Variants in TERT observed in about 807,000 individuals in gnomAD.
The protein encoded by TERT is telomerase reverse transcriptase.
TERT carries 42 observed loss-of-function variants against 104.0 expected under a neutral mutation model. That is an observed-to-expected ratio of 0.40 (90% CI 0.32 to 0.52). The LOEUF (loss-of-function observed/expected upper bound fraction) is 0.52, where lower values mean the gene tolerates loss of function less well. Ranked by LOEUF, TERT falls within the 20% of genes least tolerant of loss-of-function variation. The pLI is 0.43. For missense variants in TERT, 1,101 were observed against 1,610.3 expected, an observed-to-expected ratio of 0.68 and a Z score of 5.41; for synonymous variants, 781 against 725.6, an observed-to-expected ratio of 1.08 and a Z score of -1.23.
At chr5:1,259,483 C>T (rs1200291260) in intron 12 of TERT, among the ~76,000 whole-genome samples, 6 of 116,240 alleles carry the variant, frequency 5.2e-5, no homozygotes, top group African/African-American at 6.9e-5. Flanking sequence ...GGAGTGGACG[C>T]GGACGCCCAC....
At position 1,262,413 on chromosome 5, in the gene TERT, G is replaced by T. The variant is rs1303469725; in HGVS notation, c.2844-1813C>A. On this transcript the variant is annotated intron_variant, in intron 11 of 15. Coordinates refer to ENST00000310581, the MANE Select transcript of TERT (RefSeq NM_198253.3). This position sits in a 1 kb window ranked among gnomAD's most constrained non-coding sequence, Gnocchi z 5.6. ...GCTGTGGTTTGGGAGACTAAAATCT[G>T]GACAAGAAAATTCCCATCTTACCAC... Among the ~76,000 whole-genome samples, 1 of 152,178 alleles carries T rather than the reference G, an allele frequency of 6.6e-6. No individual in the cohort carries two copies. The highest frequency in any genetic ancestry group is 6.5e-5 in the Admixed American group (1 of 15,284).
In TERT at chr5:1,271,104, G is replaced by A. The variant is rs1748998056; in HGVS notation, c.2468+15C>T. On this transcript the variant is annotated intron_variant, in intron 8 of 15. Coordinates refer to ENST00000310581, the MANE Select transcript of TERT (RefSeq NM_198253.3). ...AGCCACCCGCAGGGCAATGGCACCT[G>A]GCCACCTGACTCACTTGCCCCTGAT... 1.2e-6 allele frequency: 2 copies of A among 1,610,544 alleles called. No homozygotes were observed. Among genetic ancestry groups the A allele is most frequent in the Non-Finnish European group, 8.5e-7 (1 of 1,178,286 alleles).
chr5:1,279,381 C>G lies in TERT; in HGVS notation c.2040G>C (p.Val680=), dbSNP rs748610058. 1 of 1,562,158 alleles carries G rather than the reference C, an allele frequency of 6.4e-7. No homozygotes were observed. The highest frequency in any genetic ancestry group is 8.7e-7 in the Non-Finnish European group (1 of 1,155,250). ...ARRPGLLGAS[V]LGLDDIHRAW... ...CCCTGTGGATATCGTCCAGGCCCAG[C>G]ACAGAGGCGCCCAGGAGGCCGGGGC... Residue 680 remains valine (V), a synonymous_variant, in exon 5 of 16, where the codon GTG becomes GTC. Coordinates refer to ENST00000310581, the MANE Select transcript of TERT (RefSeq NM_198253.3).
At chr5:1,279,196 A>G in intron 5 of TERT, 95 bp downstream of exon 5, 1 of 1,408,304 alleles carries the variant, frequency 7.1e-7, no homozygotes, top group Non-Finnish European at 9.7e-7. Flanking sequence ...CCTGCGGCCC[A>G]CCCAGGAGTA....
chr5:1,256,315 G>A lies in TERT; in HGVS notation c.3033-904C>T, dbSNP rs979412076. ...AGGTGTGAGCCACCGCGCCAGCCCT[G>A]TCAGCCTCCATCTTTGGCCTCTCAG... On this transcript the variant is annotated intron_variant, in intron 13 of 15. Transcript: ENST00000310581. This position sits in a 1 kb window ranked among gnomAD's most constrained non-coding sequence, Gnocchi z 7.0. Among the ~76,000 whole-genome samples the A allele has an allele frequency of 1.3e-5, 2 of 152,084 alleles. No homozygotes were observed. Among genetic ancestry groups the A allele is most frequent in the African/African-American group, 4.8e-5 (2 of 41,398 alleles).
Position 1,286,012 on chromosome 5 carries a change from C to T in TERT, c.1574-3388G>A, listed in dbSNP as rs2126662076. Among the ~76,000 whole-genome samples the T allele has an allele frequency of 6.6e-6, 1 of 152,230 alleles. No individual in the cohort carries two copies. The highest frequency in any genetic ancestry group is 2.4e-5 in the African/African-American group (1 of 41,538). On this transcript the variant is annotated intron_variant, in intron 2 of 15. Transcript: ENST00000310581. The surrounding 1 kb of genome is among the most constrained non-coding windows in gnomAD (Gnocchi z 5.3). ...CAGGCAGCACCGTCAGAGCTGGCGC[C>T]ACACCGCAGGTTTGCGCGATTTCAA...
At chr5:1,289,874 C>G (rs1750767346) in intron 2 of TERT, among the ~76,000 whole-genome samples, 1 of 80,224 alleles carries the variant, frequency 1.2e-5, no homozygotes, top group African/African-American at 6.1e-5. Flanking sequence ...ACAGGGACAC[C>G]CGGGGGCCGC....
At chr5:1,254,346 A>G (rs2126559245) in intron 15 of TERT, 22 bp downstream of exon 15, 2 of 1,612,682 alleles carry the variant, frequency 1.2e-6, no homozygotes, top group Admixed American at 3.3e-5. Context: ...TGGGGCCCGC[A>G]CTGGCCTCCA....
In TERT at chr5:1,254,411, T is replaced by C. The variant is rs757638312; in HGVS notation, c.3252A>G (p.Arg1084=). Residue 1084 remains arginine (R), a synonymous_variant, in exon 15 of 16, where the codon CGA becomes CGG. Transcript: ENST00000310581. ...CHQAFLLKLT[R]HRVTYVPLLG... The stretch of plus-strand genomic sequence containing the variant: ...GGAGTGGCACGTAGGTGACACGGTG[T>C]CGAGTCAGCTTGAGCAGGAATGCTT... 49 of 1,613,034 alleles carry C rather than the reference T, an allele frequency of 3.0e-5. No homozygotes were observed. Among genetic ancestry groups the C allele is most frequent in the Non-Finnish European group, 4.1e-5 (48 of 1,179,942 alleles).
rs1416354540 is a variant in TERT, at chr5:1,255,573, T to G, written c.3033-162A>C. On this transcript the variant is annotated intron_variant, in intron 13 of 15. Transcript: ENST00000310581. This position sits in a 1 kb window ranked among gnomAD's most constrained non-coding sequence, Gnocchi z 6.9. ...ACACACGGATGCATGCATGCATGTC[T>G]GTGTGTGTGCTTGTGTGTGCGAGTA... is the stretch of plus-strand genomic sequence containing the variant. Among the ~76,000 whole-genome samples the G allele has an allele frequency of 6.6e-6, 1 of 152,174 alleles. No homozygotes were observed. Among genetic ancestry groups the G allele is most frequent in the Non-Finnish European group, 1.5e-5 (1 of 67,990 alleles).
intron 2 of TERT, among the ~76,000 whole-genome samples, chr5:1,289,269 A>T (rs1439456263): frequency 7.9e-6 from 1 of 127,368 alleles, no homozygotes; most frequent in Non-Finnish European, 1.6e-5. Flanking sequence ...CACTCACCCT[A>T]CACCTGAGAG....
At position 1,253,585 on chromosome 5, in the gene TERT, G is replaced by T. The variant is rs147703938; in HGVS notation, c.*143C>A. 2.3e-5 allele frequency: 16 copies of T among 710,672 alleles called. No individual in the cohort carries two copies. The highest frequency in any genetic ancestry group is 1.6e-4 in the East Asian group (6 of 37,042). 44.0% of individuals were successfully genotyped at this position (710,672 alleles called of 1,614,324 possible). ...ACTCAGCCTTCAGCCGGACATGCAG[G>T]CCTCGGCCAAACACTCACTCAGGCC... On this transcript the variant is annotated 3_prime_UTR_variant, in exon 16 of 16. Transcript: ENST00000310581.
At position 1,274,350 on chromosome 5, in the gene TERT, G is replaced by A. The variant is rs1044498145; in HGVS notation, c.2287-2070C>T. 3.9e-5 allele frequency among the ~76,000 whole-genome samples: 6 copies of A among 152,200 alleles called. No homozygotes were observed. The highest frequency in any genetic ancestry group is 8.8e-5 in the Non-Finnish European group (6 of 68,040). ...TCGGCGGAAAGCATCACAGAAATCC[G>A]TAATTATTCTGGACTCAACACAGAA... On this transcript the variant is annotated intron_variant, in intron 6 of 15. Coordinates refer to ENST00000310581, the MANE Select transcript of TERT (RefSeq NM_198253.3). This position sits in a 1 kb window ranked among gnomAD's most constrained non-coding sequence, Gnocchi z 5.3.
rs77075144 is a variant in TERT, at chr5:1,275,086, G to A, written c.2287-2806C>T. On this transcript the variant is annotated intron_variant, in intron 6 of 15. Transcript: ENST00000310581. ...AGATCTCACGGAAGCTGCAGGAAGC[G>A]AGTCTCGGCCGGGCGCGGCGGTTCA... Among the ~76,000 whole-genome samples the A allele has an allele frequency of 4.3e-3, 659 of 152,324 alleles. 4 individuals are homozygous for A. Among genetic ancestry groups the A allele is most frequent in the Non-Finnish European group, 6.9e-3 (470 of 68,022 alleles).
In TERT at chr5:1,288,094, C is replaced by T. The variant is rs1750604300; in HGVS notation, c.1573+5219G>A. On this transcript the variant is annotated intron_variant, in intron 2 of 15. Coordinates refer to ENST00000310581, the MANE Select transcript of TERT (RefSeq NM_198253.3). This position sits in a 1 kb window ranked among gnomAD's most constrained non-coding sequence, Gnocchi z 5.3. The stretch of plus-strand genomic sequence containing the variant: ...CTGCTCAAAGAAATCACAGAATAAG[C>T]TAAAGAATACTTAAAAGTCACTGAT... Among the ~76,000 whole-genome samples the T allele has an allele frequency of 6.6e-6, 1 of 152,000 alleles. No homozygotes were observed. The highest frequency in any genetic ancestry group is 2.4e-5 in the African/African-American group (1 of 41,380).
chr5:1,278,917 C>A (rs985947570), intron 5 of TERT, 121 bp from the exon 6 acceptor site: 57 of 1,385,138 alleles, frequency 4.1e-5, no homozygotes, highest in African/African-American at 1.3e-4. Context: ...CCACTCCAGA[C>A]CCCAAGGGCA....
In TERT at chr5:1,268,114, G is replaced by A. The variant is rs1382940391; in HGVS notation, c.2582+406C>T. 1.3e-5 allele frequency among the ~76,000 whole-genome samples: 2 copies of A among 152,240 alleles called. No individual in the cohort carries two copies. Among genetic ancestry groups the A allele is most frequent in the South Asian group, 2.1e-4 (1 of 4,834 alleles). The stretch of plus-strand genomic sequence containing the variant: ...GGGATGGGCAATGGGCTGAAGAGGC[G>A]CCCAGTCCAGGCCACCTGTCGAGGG... On this transcript the variant is annotated intron_variant, in intron 9 of 15. Coordinates refer to ENST00000310581, the MANE Select transcript of TERT (RefSeq NM_198253.3). This position sits in a 1 kb window ranked among gnomAD's most constrained non-coding sequence, Gnocchi z 5.5.
rs1458043396 is a variant in TERT at position 1,257,957 on chromosome 5, T to C, written c.3032+641A>G. ...CCCTTTGGTACAGCCCCGAGGCTTG[T>C]GCCACCACCTGCCCTGACTCCAGGC... On this transcript the variant is annotated intron_variant, in intron 13 of 15. Transcript: ENST00000310581. The surrounding 1 kb of genome is among the most constrained non-coding windows in gnomAD (Gnocchi z 5.6). Among the ~76,000 whole-genome samples, 3 of 152,204 alleles carry C rather than the reference T, an allele frequency of 2.0e-5. No individual in the cohort carries two copies. The highest frequency in any genetic ancestry group is 4.4e-5 in the Non-Finnish European group (3 of 68,028).
intron 7 of TERT, among the ~76,000 whole-genome samples, 184 bp downstream of exon 7, chr5:1,272,001 C>T (rs539699059): frequency 3.3e-5 from 5 of 152,376 alleles, no homozygotes; most frequent in East Asian, 3.9e-4. Flanking sequence ...CAGCAGCTGT[C>T]GCAGCCTGGC....
Sources: allele counts gnomAD v4.1 joint callset (sites outside exome capture counted in the v4.1 genomes callset), GRCh38; gene constraint gnomAD v4.1.1; non-coding constraint Gnocchi (gnomAD v3.1); transcripts MANE v1.5; gene names NCBI Gene and HGNC (gene_info 2026-07-23, HGNC 2026-07-21).